The following SLC13A3 variants were observed in gnomAD, a reference collection of about 807,000 sequenced individuals.
SLC13A3 encodes the protein solute carrier family 13 member 3.
Under a neutral mutation model 59.0 loss-of-function variants are expected in SLC13A3, and 40 were observed. The observed-to-expected ratio is 0.68, with a 90% confidence interval of 0.53 to 0.88. The LOEUF (loss-of-function observed/expected upper bound fraction) is 0.88, where lower values mean the gene tolerates loss of function less well. SLC13A3 is among the 40% of genes least tolerant of loss of function. The probability of loss-of-function intolerance (pLI) is 0.00; values close to 1 mark genes in which losing one functional copy is unlikely to be tolerated. For missense variants in SLC13A3, 699 were observed against 783.2 expected (o/e 0.89, Z 1.28); for synonymous variants, 317 against 330.3 (o/e 0.96, Z 0.44).
intron 4 of SLC13A3, among the ~76,000 whole-genome samples, chr20:46,596,887 TA>T (rs565102032): frequency 2.0e-5 from 3 of 151,930 alleles, no homozygotes; most frequent in Admixed American, 6.6e-5. Flanking sequence ...CCCATCTCTA[TA>T]AAAAAAATTT....
At chr20:46,584,363 C>A in intron 8 of SLC13A3, 1 of 985,340 alleles carries the variant, frequency 1.0e-6, no homozygotes, top group Non-Finnish European at 1.2e-6. Flanking sequence ...TTTTTATTTG[C>A]AGCATTGGAC....
intron 1 of SLC13A3, among the ~76,000 whole-genome samples, chr20:46,623,062 T>C (rs2062632430): frequency 6.6e-6 from 1 of 152,124 alleles, no homozygotes; most frequent in African/African-American, 2.4e-5. Context: ...TTGCACAAAC[T>C]CTTTCAGAGA....
chr20:46,645,453 T>C (rs1009003551), intron 1 of SLC13A3, among the ~76,000 whole-genome samples: 3 of 152,180 alleles, frequency 2.0e-5, no homozygotes, highest in Non-Finnish European at 2.9e-5. Flanking sequence ...AGGCCATCCA[T>C]GTACAGATGA....
chr20:46,609,052 C>T (rs2062464541), intron 3 of SLC13A3: 2 of 1,550,166 alleles, frequency 1.3e-6, no homozygotes, highest in Non-Finnish European at 1.7e-6. Context: ...GTATTGGGTT[C>T]TATTCCTAAA....
intron 6 of SLC13A3, among the ~76,000 whole-genome samples, chr20:46,590,584 G>A (rs1448533343): frequency 2.0e-5 from 3 of 152,126 alleles, no homozygotes; most frequent in African/African-American, 7.2e-5. Context: ...CCAAACCTAT[G>A]AAAAGTTGCC....
chr20:46,592,645 G>A (rs972315306), intron 5 of SLC13A3, 116 bp from the exon 6 acceptor site: 3 of 992,062 alleles, frequency 3.0e-6, no homozygotes, highest in African/African-American at 3.2e-5. Flanking sequence ...AGGGTCCCAT[G>A]GAAGTCTTGG....
chr20:46,620,343 T>A (rs937879172), intron 1 of SLC13A3, among the ~76,000 whole-genome samples: 7 of 152,214 alleles, frequency 4.6e-5, no homozygotes, highest in Non-Finnish European at 7.3e-5. Context: ...AAACTATGCA[T>A]GGGTTTCAAA....
intron 3 of SLC13A3, among the ~76,000 whole-genome samples, chr20:46,603,330 C>A (rs568617152): frequency 3.9e-4 from 60 of 152,268 alleles, no homozygotes; most frequent in African/African-American, 1.4e-3. Flanking sequence ...CAGCCACAGA[C>A]AACATCAATG....
intron 9 of SLC13A3, among the ~76,000 whole-genome samples, chr20:46,580,710 A>G (rs202387): frequency 6.6e-6 from 1 of 151,854 alleles, no homozygotes; most frequent in Non-Finnish European, 1.5e-5. Flanking sequence ...GATGCCAGTC[A>G]TCTATGTCAT....
At chr20:46,651,599 G>A, upstream of SLC13A3, 2 of 1,253,940 alleles carry the variant, frequency 1.6e-6, no homozygotes, top group Admixed American at 4.2e-5. Flanking sequence ...AAAGAGGCCC[G>A]GGAACGTTGG....
chr20:46,634,704 G>A (rs1039045709), intron 1 of SLC13A3, among the ~76,000 whole-genome samples: 1 of 152,216 alleles, frequency 6.6e-6, no homozygotes, highest in African/African-American at 2.4e-5. Flanking sequence ...GGTTGTGGGG[G>A]TGTGCCCTGG....
intron 1 of SLC13A3, among the ~76,000 whole-genome samples, chr20:46,633,658 C>T (rs562892965): frequency 6.6e-6 from 1 of 152,324 alleles, no homozygotes; most frequent in South Asian, 2.1e-4. Context: ...ACACACCAGA[C>T]ACTGTTTGGC....
intron 1 of SLC13A3, among the ~76,000 whole-genome samples, chr20:46,683,121 C>T (rs969515962): frequency 1.2e-4 from 19 of 152,140 alleles, no homozygotes; most frequent in African/African-American, 4.3e-4. Flanking sequence ...CTGACAGCTG[C>T]GGCTACCCCC....
intron 1 of SLC13A3, 134 bp downstream of exon 1, chr20:46,651,177 C>A (rs2062948117): frequency 2.2e-6 from 3 of 1,338,504 alleles, no homozygotes; most frequent in African/African-American, 3.1e-5. Context: ...GCGGCAGGTG[C>A]AAGGGAGGGA....
chr20:46,573,147 TAATA>T (rs2062045235), intron 10 of SLC13A3, among the ~76,000 whole-genome samples: 1 of 152,218 alleles, frequency 6.6e-6, no homozygotes, highest in Non-Finnish European at 1.5e-5. Flanking sequence ...GTTTTTTAAT[TAATA>T]AAGTAAAACA....
At chr20:46,673,462 T>C (rs1378791427), upstream of SLC13A3, among the ~76,000 whole-genome samples, 1 of 152,178 alleles carries the variant, frequency 6.6e-6, no homozygotes, top group African/African-American at 2.4e-5. Context: ...TTTCTGCTCC[T>C]TGAGCATAGC....
At chr20:46,603,073 G>A (rs2062396264) in intron 3 of SLC13A3, among the ~76,000 whole-genome samples, 1 of 151,964 alleles carries the variant, frequency 6.6e-6, no homozygotes. Flanking sequence ...AGCTACTCAG[G>A]AGGCTGAGGC....
chr20:46,571,398 C>T (rs2062027195), intron 10 of SLC13A3, among the ~76,000 whole-genome samples: 1 of 152,200 alleles, frequency 6.6e-6, no homozygotes, highest in Non-Finnish European at 1.5e-5. Context: ...TCAACCTTTC[C>T]TCAATGAATT....
In SLC13A3 at chr20:46,599,350, T is replaced by G. The variant is rs189905735; in HGVS notation, c.608+621A>C. Among the ~76,000 whole-genome samples the G allele has an allele frequency of 2.5e-4, 38 of 152,392 alleles. No homozygotes were observed. In the East Asian group the frequency reaches 6.9e-3, roughly 28 times the overall value. The stretch of plus-strand genomic sequence containing the variant: ...TCACTGTTAAATTGAGATCACAATG[T>G]CATAATAACAAGTGCTAACATCTGG... On this transcript the variant is annotated intron_variant, in intron 4 of 12. Transcript: ENST00000279027.
Sources: allele counts gnomAD v4.1 joint callset (sites outside exome capture counted in the v4.1 genomes callset), GRCh38; gene constraint gnomAD v4.1.1; transcripts MANE v1.5; gene names NCBI Gene and HGNC (gene_info 2026-07-23, HGNC 2026-07-21).